Variants in NLRP14 observed in about 807,000 individuals in gnomAD.
The protein encoded by NLRP14 is NACHT, LRR and PYD domains-containing protein 14.
Under a neutral mutation model 94.7 loss-of-function variants are expected in NLRP14, and 105 were observed. The ratio of observed to expected loss-of-function variants is 1.11; its 90% CI spans 0.95 to 1.30. The LOEUF is 1.30. NLRP14 is among the 50% of genes most tolerant of loss of function. The probability of loss-of-function intolerance (pLI) is 0.00; values close to 1 mark genes in which losing one functional copy is unlikely to be tolerated. For missense variants in NLRP14, 1,362 were observed against 1,254.1 expected (o/e 1.09, Z -1.30); for synonymous variants, 508 against 459.9 (o/e 1.10, Z -1.34).
At chr11:7,085,115 T>G in the NLRP14 span, among the ~76,000 whole-genome samples, 1 of 152,242 alleles carries the variant, frequency 6.6e-6, no homozygotes, top group Non-Finnish European at 1.5e-5. Context: ...AAAATACATG[T>G]AACATGGTGT....
At chr11:7,072,758 A>G (rs917896284), downstream of NLRP14, among the ~76,000 whole-genome samples, 1 of 152,222 alleles carries the variant, frequency 6.6e-6, no homozygotes, top group Non-Finnish European at 1.5e-5. Context: ...CCCTTTGCAC[A>G]CAGTTGAAAC....
the NLRP14 span, among the ~76,000 whole-genome samples, chr11:7,080,439 A>G: frequency 6.6e-6 from 1 of 152,242 alleles, no homozygotes; most frequent in Admixed American, 6.5e-5. Flanking sequence ...AGAAAGTACT[A>G]TACATTTTGT....
At chr11:7,078,764 G>T in the NLRP14 span, among the ~76,000 whole-genome samples, 1 of 152,088 alleles carries the variant, frequency 6.6e-6, no homozygotes, top group Non-Finnish European at 1.5e-5. Flanking sequence ...CTCCAGCCTG[G>T]GTGACAAGAG....
chr11:7,090,144 C>G, the NLRP14 span: 2 of 1,613,554 alleles, frequency 1.2e-6, no homozygotes, highest in East Asian at 2.2e-5. Flanking sequence ...GGGCCGACAC[C>G]GGGTGGGCAG....
chr11:7,089,066 C>G, the NLRP14 span: 1 of 1,575,028 alleles, frequency 6.3e-7, no homozygotes, highest in Non-Finnish European at 8.7e-7. Context: ...AAGGCTGCGA[C>G]TGGCGCCGCC....
At chr11:7,080,971 ATC>A in the NLRP14 span, among the ~76,000 whole-genome samples, 1 of 151,816 alleles carries the variant, frequency 6.6e-6, no homozygotes, top group Non-Finnish European at 1.5e-5. Flanking sequence ...TGGGGTTGGA[ATC>A]TCTCAGTTAG....
chr11:7,057,401 A>G (rs1852531015), intron 6 of NLRP14, among the ~76,000 whole-genome samples: 1 of 152,068 alleles, frequency 6.6e-6, no homozygotes, highest in East Asian at 1.9e-4. Context: ...AGACTAAAAA[A>G]TATTATCATT....
At chr11:7,066,079 G>A (rs1286800474) in intron 10 of NLRP14, among the ~76,000 whole-genome samples, 3 of 152,128 alleles carry the variant, frequency 2.0e-5, no homozygotes, top group African/African-American at 4.8e-5. Flanking sequence ...TGGTGTATAT[G>A]TGCCACATTT....
the NLRP14 span, chr11:7,089,036 G>T: frequency 6.7e-7 from 1 of 1,486,716 alleles, no homozygotes; most frequent in Non-Finnish European, 9.2e-7. Context: ...AGTAGGAGCC[G>T]CCCTCGACGA....
In NLRP14 at chr11:7,070,298, T is replaced by TA. The variant is rs765437106; in HGVS notation, c.2988_2989insA (p.Gly997ArgfsTer33). ...CTCTTCTCTACAGGTTGGAATACTG[T>TA]GGTTTGACATCTCTCTGCTGTCAAG... On this transcript the variant is annotated frameshift_variant, in exon 11 of 12. Coordinates refer to ENST00000299481, the MANE Select transcript of NLRP14 (RefSeq NM_176822.4). LOFTEE classifies it high-confidence loss of function. 4.2e-5 allele frequency: 67 copies of TA among 1,610,470 alleles called. No homozygotes were observed. In the East Asian group the frequency reaches 1.4e-3, roughly 35 times the overall value.
chr11:7,086,083 T>C, the NLRP14 span, among the ~76,000 whole-genome samples: 9 of 152,352 alleles, frequency 5.9e-5, no homozygotes, highest in East Asian at 1.7e-3. Context: ...TTGAATCCTA[T>C]GGTAATTCTA....
intron 10 of NLRP14, among the ~76,000 whole-genome samples, chr11:7,068,577 C>A (rs61879051): frequency 0.15 from 23,259 of 152,212 alleles, 2,165 homozygotes; most frequent in Non-Finnish European, 0.21. Context: ...TGCATGAGTA[C>A]AGTTCTTTGA....
At chr11:7,050,071 C>A (rs775604333) in intron 6 of NLRP14, among the ~76,000 whole-genome samples, 5 of 151,686 alleles carry the variant, frequency 3.3e-5, no homozygotes, top group Admixed American at 1.3e-4. Context: ...GTCTCCATCT[C>A]CTAAATCTGC....
At chr11:7,089,850 G>A in the NLRP14 span, 3 of 1,611,880 alleles carry the variant, frequency 1.9e-6, no homozygotes, top group Non-Finnish European at 2.5e-6. Context: ...CCGCGATTAC[G>A]GCCACTCCAG....
At chr11:7,084,881 G>T in the NLRP14 span, among the ~76,000 whole-genome samples, 1 of 152,150 alleles carries the variant, frequency 6.6e-6, no homozygotes, top group Non-Finnish European at 1.5e-5. Context: ...GAAGTTGGGG[G>T]TAATCTTGTA....
In NLRP14 at chr11:7,041,036, A is replaced by G. The variant is rs113165851; in HGVS notation, c.361+1251A>G. Among the ~76,000 whole-genome samples, 1,273 of 152,302 alleles carry G rather than the reference A, an allele frequency of 8.4e-3. 16 individuals carry two copies. The highest frequency in any genetic ancestry group is 0.028 in the African/African-American group (1,178 of 41,566). On this transcript the variant is annotated intron_variant, in intron 3 of 11. Transcript: ENST00000299481. ...TTATGGGAACTTTGGAAAATACTGTAAGTACAAAATAGAAAATAAGAAGTA... is the reference window on the plus strand; with the variant it reads ...TTATGGGAACTTTGGAAAATACTGTGAGTACAAAATAGAAAATAAGAAGTA...
chr11:7,052,355 G>T (rs938181989), intron 6 of NLRP14, among the ~76,000 whole-genome samples: 1 of 152,096 alleles, frequency 6.6e-6, no homozygotes, highest in Non-Finnish European at 1.5e-5. Context: ...AGATAAGGCC[G>T]GGTGTGGTGG....
chr11:7,076,844 G>C, the NLRP14 span, among the ~76,000 whole-genome samples: 1 of 152,216 alleles, frequency 6.6e-6, no homozygotes, highest in Admixed American at 6.5e-5. Context: ...GCACATGTGG[G>C]CTATGATTCA....
At chr11:7,083,094 C>T in the NLRP14 span, among the ~76,000 whole-genome samples, 1 of 152,180 alleles carries the variant, frequency 6.6e-6, no homozygotes, top group Non-Finnish European at 1.5e-5. Context: ...CAGTCATCTT[C>T]CCTGTGGGAG....
Sources: gnomAD v4.1 joint callset for allele counts (sites outside exome capture counted in the v4.1 genomes callset) on GRCh38, gnomAD v4.1.1 for gene constraint, MANE v1.5 for transcripts, NCBI Gene and HGNC (gene_info 2026-07-23, HGNC 2026-07-21) for gene names.